The following RCOR1 variants were observed in gnomAD, a reference collection of about 807,000 sequenced individuals.
RCOR1 encodes REST corepressor.
Under a neutral mutation model 64.0 loss-of-function variants are expected in RCOR1, and 12 were observed. The observed-to-expected ratio is 0.19, with a 90% CI of 0.12 to 0.30. The LOEUF is 0.30. Ranked by LOEUF, RCOR1 falls within the 10% of genes least tolerant of loss-of-function variation. The probability of loss-of-function intolerance (pLI) is 1.00; values close to 1 mark genes in which losing one functional copy is unlikely to be tolerated. For synonymous variants in RCOR1, 279 were observed against 227.2 expected, an observed-to-expected ratio of 1.23 and a Z score of -2.05; for missense variants, 502 against 621.2, an observed-to-expected ratio of 0.81 and a Z score of 2.04.
At chr14:102,699,908 C>G (rs1895722664) in intron 3 of RCOR1, among the ~76,000 whole-genome samples, 1 of 152,032 alleles carries the variant, frequency 6.6e-6, no homozygotes, top group African/African-American at 2.4e-5. Flanking sequence ...GAAATTGATT[C>G]ATCTTTGGGG....
In RCOR1 at chr14:102,729,513, G is replaced by T. The variant is rs6611; in HGVS notation, c.*3007G>T. ...ACGCCACTTCCTCAAAATGGTTTTTGATTGTTTTTAACCTATAAGACGTTC... is the reference window on the plus strand; with the variant it reads ...ACGCCACTTCCTCAAAATGGTTTTTTATTGTTTTTAACCTATAAGACGTTC... On this transcript the variant is annotated 3_prime_UTR_variant, in exon 12 of 12. Transcript: ENST00000262241. 11,049 of 189,660 alleles carry T rather than the reference G, an allele frequency of 0.058. 455 individuals carry two copies. The highest frequency in any genetic ancestry group is 0.14 in the South Asian group (710 of 5,124). 11.7% of individuals were successfully genotyped at this position (189,660 alleles called of 1,614,324 possible).
At chr14:102,719,017 C>G (rs904347142) in intron 8 of RCOR1, among the ~76,000 whole-genome samples, 2 of 152,062 alleles carry the variant, frequency 1.3e-5, no homozygotes, top group Non-Finnish European at 2.9e-5. Context: ...TCTTGAACTC[C>G]TGGGCTCAAA....
intron 3 of RCOR1, among the ~76,000 whole-genome samples, chr14:102,683,341 C>T (rs1449190621): frequency 1.3e-5 from 2 of 152,166 alleles, no homozygotes; most frequent in Admixed American, 6.5e-5. Flanking sequence ...TATCAATACA[C>T]GATTCTTACT....
intron 2 of RCOR1, among the ~76,000 whole-genome samples, chr14:102,652,505 A>AAGC (rs1160117838): frequency 1.3e-5 from 2 of 152,026 alleles, no homozygotes; most frequent in African/African-American, 4.8e-5. Flanking sequence ...AGGTGATTAT[A>AAGC]TTATTTGTTT....
At chr14:102,655,625 C>T in intron 2 of RCOR1, 1 of 431,108 alleles carries the variant, frequency 2.3e-6, no homozygotes, top group African/African-American at 2.2e-5. Flanking sequence ...TGTCTGTCCC[C>T]TATCTCCCAC....
chr14:102,646,483 A>C (rs1894479959), intron 2 of RCOR1, among the ~76,000 whole-genome samples: 1 of 152,242 alleles, frequency 6.6e-6, no homozygotes, highest in Non-Finnish European at 1.5e-5. Context: ...GAAGGTATAA[A>C]GTAGGGGTCC....
intron 8 of RCOR1, among the ~76,000 whole-genome samples, chr14:102,718,415 C>T (rs1368157326): frequency 2.6e-5 from 4 of 152,204 alleles, no homozygotes; most frequent in Non-Finnish European, 4.4e-5. Context: ...ACATCATCAA[C>T]CTCTACCAGC....
chr14:102,661,722 A>G (rs572756603), intron 2 of RCOR1, among the ~76,000 whole-genome samples: 103 of 152,280 alleles, frequency 6.8e-4, no homozygotes, highest in Non-Finnish European at 1.2e-3. Context: ...TAGCATATGT[A>G]GTTAGCTTAT....
At chr14:102,724,514 T>C (rs1896225017) in intron 11 of RCOR1, among the ~76,000 whole-genome samples, 3 of 152,134 alleles carry the variant, frequency 2.0e-5, no homozygotes, top group African/African-American at 7.2e-5. Context: ...GTATTTTTAG[T>C]AGAGATGGGG....
chr14:102,634,555 A>G (rs1034930756), intron 2 of RCOR1, among the ~76,000 whole-genome samples: 1 of 151,972 alleles, frequency 6.6e-6, no homozygotes, highest in Admixed American at 6.6e-5. Context: ...TGCATAACAA[A>G]TAAATACTAA....
intron 2 of RCOR1, among the ~76,000 whole-genome samples, chr14:102,617,048 A>G (rs1893775203): frequency 6.6e-6 from 1 of 152,212 alleles, no homozygotes; most frequent in Non-Finnish European, 1.5e-5. Context: ...CCAAATATAT[A>G]TTTCACAATA....
intron 2 of RCOR1, among the ~76,000 whole-genome samples, chr14:102,594,202 G>A (rs1893196646): frequency 6.6e-6 from 1 of 152,168 alleles, no homozygotes; most frequent in Non-Finnish European, 1.5e-5. Context: ...GTCTTTAAAG[G>A]TTGTTGGTAT....
intron 2 of RCOR1, among the ~76,000 whole-genome samples, chr14:102,644,018 T>G (rs766183808): frequency 6.6e-6 from 1 of 152,214 alleles, no homozygotes; most frequent in Non-Finnish European, 1.5e-5. Context: ...TCTCACACTT[T>G]CTGGTGATGA....
At chr14:102,615,309 T>A (rs1363544070) in intron 2 of RCOR1, among the ~76,000 whole-genome samples, 1 of 151,258 alleles carries the variant, frequency 6.6e-6, no homozygotes, top group Non-Finnish European at 1.5e-5. Context: ...AATTTTTTTT[T>A]TTAATATTTT....
At chr14:102,720,153 TG>T (rs1414766319) in intron 8 of RCOR1, among the ~76,000 whole-genome samples, 1 of 152,232 alleles carries the variant, frequency 6.6e-6, no homozygotes, top group Non-Finnish European at 1.5e-5. Flanking sequence ...CCTCTTCCGT[TG>T]GCTTTCTTAG....
chr14:102,623,474 T>C (rs750623792), intron 2 of RCOR1, among the ~76,000 whole-genome samples: 1 of 151,698 alleles, frequency 6.6e-6, no homozygotes, highest in South Asian at 2.1e-4. Context: ...AATGGCGCGA[T>C]CTTGGCTCAC....
chr14:102,679,573 C>T (rs775371604), intron 2 of RCOR1, among the ~76,000 whole-genome samples: 4 of 151,840 alleles, frequency 2.6e-5, no homozygotes, highest in Admixed American at 2.0e-4. Context: ...CCGCCTCTCG[C>T]GTTCACGCCA....
chr14:102,724,696 T>C (rs1189214864), intron 11 of RCOR1, among the ~76,000 whole-genome samples: 1 of 152,198 alleles, frequency 6.6e-6, no homozygotes, highest in African/African-American at 2.4e-5. Context: ...CCACCTAGTT[T>C]TATGTTCTCC....
In RCOR1 at chr14:102,722,378, C is replaced by G. The variant is rs1450713916; in HGVS notation, c.1381C>G (p.Pro461Ala). The part of the protein sequence containing the change: ...GPSNQKPVKS[P>A]DNSIKMPEEE... ...CAGTAACCAGAAGCCTGTGAAGTCC[C>G]CAGATAATTCCATTAAGATGCCCGA... Residue 461 changes from proline to alanine, a missense_variant, in exon 11 of 12, where the codon CCA becomes GCA. Physicochemically the swap from Pro to Ala is conservative, Grantham distance 27. Transcript: ENST00000262241. The G allele has an allele frequency of 6.2e-7, 1 of 1,613,608 alleles. No individual in the cohort carries two copies. Among genetic ancestry groups the G allele is most frequent in the African/African-American group, 1.3e-5 (1 of 74,822 alleles).
Sources: gnomAD v4.1 joint callset for allele counts (sites outside exome capture counted in the v4.1 genomes callset) on GRCh38, gnomAD v4.1.1 for gene constraint, MANE v1.5 for transcripts, NCBI Gene and HGNC (gene_info 2026-07-23, HGNC 2026-07-21) for gene names.